The following PARD3B variants were observed in gnomAD, a reference collection of about 807,000 sequenced individuals.
PARD3B encodes the protein par-3 family cell polarity regulator beta.
A neutral mutation model predicts 130.2 loss-of-function variants in PARD3B; 103 were observed. The ratio of observed to expected loss-of-function variants is 0.79; its 90% CI spans 0.67 to 0.93. PARD3B has a LOEUF of 0.93. Among genes scored for constraint, PARD3B ranks in the 40% least tolerant of loss-of-function variants. The pLI, the probability that PARD3B is intolerant of heterozygous loss-of-function variation, is 0.00. For synonymous variants in PARD3B, 583 were observed against 553.2 expected, an observed-to-expected ratio of 1.05 and a Z score of -0.76; for missense variants, 1,609 against 1,499.2, an observed-to-expected ratio of 1.07 and a Z score of -1.21.
At chr2:205,303,056 C>T (rs1056752947) in intron 18 of PARD3B, among the ~76,000 whole-genome samples, 1 of 151,946 alleles carries the variant, frequency 6.6e-6, no homozygotes, top group Non-Finnish European at 1.5e-5. Context: ...AGCTTTCTGG[C>T]TGATAGCTTT....
At chr2:205,415,712 C>G (rs2046751016) in intron 19 of PARD3B, among the ~76,000 whole-genome samples, 1 of 152,140 alleles carries the variant, frequency 6.6e-6, no homozygotes, top group Non-Finnish European at 1.5e-5. Context: ...ATAAGCTTGA[C>G]TGTGCCTCAA....
chr2:205,537,995 CTA>C (rs1349419185), intron 21 of PARD3B, among the ~76,000 whole-genome samples: 1 of 152,096 alleles, frequency 6.6e-6, no homozygotes, highest in Non-Finnish European at 1.5e-5. Context: ...CTCTGCTTGC[CTA>C]TGTTATGTCT....
intron 10 of PARD3B, among the ~76,000 whole-genome samples, chr2:205,139,387 A>T (rs2032758027): frequency 6.6e-6 from 1 of 152,220 alleles, no homozygotes; most frequent in Non-Finnish European, 1.5e-5. Context: ...TAATAAAAAA[A>T]ACCTCTGGGT....
chr2:204,687,992 T>C (rs750877093), intron 2 of PARD3B, among the ~76,000 whole-genome samples: 2 of 152,188 alleles, frequency 1.3e-5, no homozygotes, highest in Non-Finnish European at 2.9e-5. Flanking sequence ...TCTTTTAAAC[T>C]ATCTCAGCAA....
intron 2 of PARD3B, among the ~76,000 whole-genome samples, chr2:204,947,246 G>T (rs1464861385): frequency 1.3e-5 from 2 of 152,160 alleles, no homozygotes; most frequent in Non-Finnish European, 2.9e-5. Context: ...TATGTCTATA[G>T]AGAGTATCAT....
intron 2 of PARD3B, among the ~76,000 whole-genome samples, chr2:204,793,278 G>A (rs2042258830): frequency 1.3e-5 from 2 of 151,982 alleles, no homozygotes; most frequent in South Asian, 4.1e-4. Context: ...CATGGGAATG[G>A]CTTGTCTATT....
rs368395071 is a variant in PARD3B, at chr2:204,545,895, G to A, written c.-105G>A. Reference sequence around the variant, plus strand: ...AGGGTGTTCCGGGGAGCGGCGCCCCGGGTCTCTGGGCCCACCCGCCCCGGG... The same window carrying A: ...AGGGTGTTCCGGGGAGCGGCGCCCCAGGTCTCTGGGCCCACCCGCCCCGGG... On this transcript the variant is annotated 5_prime_UTR_variant, in exon 1 of 23. Transcript: ENST00000406610. 9 of 1,284,306 alleles carry A rather than the reference G, an allele frequency of 7.0e-6. No homozygotes were observed. In the East Asian group the frequency reaches 1.2e-4, roughly 17 times the overall value. 79.6% of individuals were successfully genotyped at this position (1,284,306 alleles called of 1,614,324 possible).
intron 19 of PARD3B, among the ~76,000 whole-genome samples, chr2:205,410,587 G>A (rs968178025): frequency 1.8e-4 from 28 of 152,036 alleles, no homozygotes; most frequent in African/African-American, 2.4e-5. Flanking sequence ...AAAAATTTGC[G>A]TAAATAAAAG....
intron 2 of PARD3B, among the ~76,000 whole-genome samples, chr2:204,816,378 G>A (rs997847993): frequency 2.0e-5 from 3 of 151,004 alleles, no homozygotes; most frequent in African/African-American, 7.3e-5. Context: ...TTTCTATCTG[G>A]TTTCATTTTT....
chr2:204,823,331 T>G (rs2043438546), intron 2 of PARD3B, among the ~76,000 whole-genome samples: 1 of 152,064 alleles, frequency 6.6e-6, no homozygotes, highest in South Asian at 2.1e-4. Context: ...GAGTGCCATT[T>G]ATATATTACA....
intron 1 of PARD3B, among the ~76,000 whole-genome samples, chr2:204,614,870 T>C (rs1301636761): frequency 6.6e-6 from 1 of 152,206 alleles, no homozygotes; most frequent in Non-Finnish European, 1.5e-5. Context: ...GCTTCCTCTA[T>C]ATCCTGCAGA....
chr2:204,942,450 G>T (rs771492830), intron 2 of PARD3B, among the ~76,000 whole-genome samples: 107 of 152,166 alleles, frequency 7.0e-4, no homozygotes, highest in Non-Finnish European at 1.4e-3. Flanking sequence ...TTTATTGATA[G>T]GACTCTGAGG....
intron 3 of PARD3B, among the ~76,000 whole-genome samples, chr2:204,977,143 A>C (rs967966707): frequency 6.6e-6 from 1 of 152,208 alleles, no homozygotes; most frequent in Non-Finnish European, 1.5e-5. Context: ...AGAATAGTAT[A>C]ATTACCACAA....
At chr2:204,559,884 T>C (rs1347725893) in intron 1 of PARD3B, among the ~76,000 whole-genome samples, 1 of 152,228 alleles carries the variant, frequency 6.6e-6, no homozygotes, top group Non-Finnish European at 1.5e-5. Context: ...TCCTATTCTT[T>C]GCAGGGACAT....
intron 16 of PARD3B, among the ~76,000 whole-genome samples, chr2:205,293,084 G>A (rs540736383): frequency 3.0e-4 from 46 of 151,430 alleles, no homozygotes; most frequent in South Asian, 6.3e-4. Context: ...AAGTACAATC[G>A]GATAGATATA....
At chr2:205,249,170 G>A (rs1367772079) in intron 16 of PARD3B, among the ~76,000 whole-genome samples, 11 of 143,830 alleles carry the variant, frequency 7.6e-5, no homozygotes, top group Admixed American at 2.7e-4. Flanking sequence ...TGTGGTGCCC[G>A]GCTAATTTTT....
At chr2:204,823,270 A>G (rs530621598) in intron 2 of PARD3B, among the ~76,000 whole-genome samples, 1 of 152,262 alleles carries the variant, frequency 6.6e-6, no homozygotes, top group South Asian at 2.1e-4. Flanking sequence ...TTTTATTGAA[A>G]AAATAAGTGT....
chr2:205,100,177 T>C (rs554049540), intron 4 of PARD3B, among the ~76,000 whole-genome samples: 24 of 152,298 alleles, frequency 1.6e-4, no homozygotes, highest in South Asian at 4.1e-4. Flanking sequence ...AGAAAGTATG[T>C]TATTTTTCTA....
At chr2:205,083,629 G>T (rs1701568943) in intron 4 of PARD3B, among the ~76,000 whole-genome samples, 1 of 150,152 alleles carries the variant, frequency 6.7e-6, no homozygotes, top group African/African-American at 2.4e-5. Context: ...TATTTTTTGA[G>T]GAAACAATTT....
Sources: allele counts gnomAD v4.1 joint callset (sites outside exome capture counted in the v4.1 genomes callset), GRCh38; gene constraint gnomAD v4.1.1; transcripts MANE v1.5; gene names NCBI Gene and HGNC (gene_info 2026-07-23, HGNC 2026-07-21).